TAFA2: variants seen among roughly 807,000 people sequenced by gnomAD.
TAFA2 encodes the protein TAFA chemokine like family member 2.
TAFA2 carries 7 observed loss-of-function variants against 18.8 expected under a neutral mutation model. The ratio of observed to expected loss-of-function variants is 0.37; its 90% CI spans 0.21 to 0.70. The LOEUF (loss-of-function observed/expected upper bound fraction) is 0.70, where lower values mean the gene tolerates loss of function less well. Among genes scored for constraint, TAFA2 ranks in the 30% least tolerant of loss-of-function variants. TAFA2 has a pLI of 0.53. For synonymous variants in TAFA2, 60 were observed against 54.2 expected (o/e 1.11, Z -0.47); for missense variants, 122 against 158.1 (o/e 0.77, Z 1.23).
At position 61,710,247 on chromosome 12, in the gene TAFA2, T is replaced by A; in HGVS notation, c.*159A>T. On this transcript the variant is annotated 3_prime_UTR_variant, in exon 5 of 5. Transcript: ENST00000416284. ...GTTCATGTCTGACTTTTAAAAAGTCTTGATTTCAAGAAGAGGCCATGAAAT... is the reference window on the plus strand; with the variant it reads ...GTTCATGTCTGACTTTTAAAAAGTCATGATTTCAAGAAGAGGCCATGAAAT... The A allele has an allele frequency of 1.6e-6, 1 of 635,058 alleles. No individual in the cohort carries two copies. Among genetic ancestry groups the A allele is most frequent in the Non-Finnish European group, 2.8e-6 (1 of 358,562 alleles). The allele number at this position is 635,058 out of a possible 1,614,324, so 39.3% of individuals were successfully genotyped here. A position where few individuals can be genotyped will look rare whatever the true frequency, so the allele number is the denominator to read the frequency against.
chr12:62,187,738 A>G (rs912557130), intron 1 of TAFA2, among the ~76,000 whole-genome samples: 3 of 152,174 alleles, frequency 2.0e-5, no homozygotes, highest in Non-Finnish European at 1.5e-5. Context: ...GTCAGTGGCC[A>G]ATGACAATTA....
intron 2 of TAFA2, among the ~76,000 whole-genome samples, chr12:61,756,471 C>T (rs984674148): frequency 1.1e-4 from 17 of 152,122 alleles, no homozygotes; most frequent in African/African-American, 3.9e-4. Flanking sequence ...ACATTATACA[C>T]GTTAATATTC....
At chr12:61,899,724 C>T (rs547202539) in intron 1 of TAFA2, among the ~76,000 whole-genome samples, 140 of 152,192 alleles carry the variant, frequency 9.2e-4, no homozygotes, top group Middle Eastern at 3.4e-3. Flanking sequence ...TTCATCCAAC[C>T]GTGGATCAAA....
chr12:61,930,164 A>T (rs908183906), intron 1 of TAFA2, among the ~76,000 whole-genome samples: 6 of 151,738 alleles, frequency 4.0e-5, no homozygotes, highest in Non-Finnish European at 7.4e-5. Flanking sequence ...ATAAAAAAAT[A>T]AATAAATAAA....
At chr12:61,779,358 G>GA (rs1246304860) in intron 2 of TAFA2, among the ~76,000 whole-genome samples, 9 of 151,742 alleles carry the variant, frequency 5.9e-5, no homozygotes, top group Non-Finnish European at 1.0e-4. Flanking sequence ...GAAAGAATCA[G>GA]AACTTAGAGT....
intron 1 of TAFA2, among the ~76,000 whole-genome samples, chr12:61,998,400 C>T (rs1048735639): frequency 6.6e-6 from 1 of 152,122 alleles, no homozygotes; most frequent in East Asian, 1.9e-4. Flanking sequence ...AGATAGCGCT[C>T]TCATGAAGAT....
intron 1 of TAFA2, among the ~76,000 whole-genome samples, chr12:61,896,821 A>G (rs1875865615): frequency 6.6e-6 from 1 of 152,172 alleles, no homozygotes; most frequent in African/African-American, 2.4e-5. Context: ...CTAAATTTTT[A>G]AAAACAGATG....
intron 1 of TAFA2, among the ~76,000 whole-genome samples, chr12:62,116,143 C>G (rs2136872158): frequency 6.6e-6 from 1 of 152,292 alleles, no homozygotes; most frequent in African/African-American, 2.4e-5. Flanking sequence ...CAAATACGTA[C>G]AGTGTGGCTA....
chr12:61,928,551 CTT>C (rs1877409481), intron 1 of TAFA2, among the ~76,000 whole-genome samples: 1 of 152,086 alleles, frequency 6.6e-6, no homozygotes, highest in African/African-American at 2.4e-5. Context: ...AATAAGAATG[CTT>C]TTACACTGTT....
intron 1 of TAFA2, among the ~76,000 whole-genome samples, chr12:62,098,437 A>G (rs904280453): frequency 9.9e-5 from 15 of 152,186 alleles, no homozygotes; most frequent in Non-Finnish European, 1.8e-4. Context: ...TGCAGTGGCT[A>G]TGTTCCCTGC....
At chr12:62,103,400 GT>G (rs989675082) in intron 1 of TAFA2, among the ~76,000 whole-genome samples, 1 of 152,120 alleles carries the variant, frequency 6.6e-6, no homozygotes, top group African/African-American at 2.4e-5. Flanking sequence ...TATATGAAGG[GT>G]GTCTTCAAAC....
At chr12:61,885,115 T>C (rs1450515573) in intron 1 of TAFA2, among the ~76,000 whole-genome samples, 2 of 152,174 alleles carry the variant, frequency 1.3e-5, no homozygotes, top group Non-Finnish European at 2.9e-5. Context: ...TTTTTCCCTG[T>C]ATTATAAAAA....
At chr12:62,177,652 C>G (rs990816778) in intron 1 of TAFA2, among the ~76,000 whole-genome samples, 5 of 152,150 alleles carry the variant, frequency 3.3e-5, no homozygotes, top group Non-Finnish European at 7.3e-5. Flanking sequence ...ACCTCAAACT[C>G]AAAATGCTTA....
chr12:62,125,167 T>C (rs1870398171), intron 1 of TAFA2, among the ~76,000 whole-genome samples: 1 of 152,120 alleles, frequency 6.6e-6, no homozygotes, highest in African/African-American at 2.4e-5. Flanking sequence ...TGCAGAATTG[T>C]ATACCTTTTA....
intron 1 of TAFA2, among the ~76,000 whole-genome samples, chr12:62,163,848 T>A (rs1165712291): frequency 6.6e-6 from 1 of 152,110 alleles, no homozygotes; most frequent in African/African-American, 2.4e-5. Flanking sequence ...GCAATAACCA[T>A]CTGTATTAAC....
At chr12:62,050,026 A>G (rs771178289) in intron 1 of TAFA2, among the ~76,000 whole-genome samples, 3 of 152,224 alleles carry the variant, frequency 2.0e-5, no homozygotes, top group Admixed American at 2.0e-4. Context: ...ATCCAGACTA[A>G]TGCTGACTAG....
intron 1 of TAFA2, among the ~76,000 whole-genome samples, chr12:62,227,297 C>G (rs1392383136): frequency 2.0e-5 from 3 of 152,148 alleles, no homozygotes; most frequent in Admixed American, 2.0e-4. Context: ...CCCAAAAAGC[C>G]TGCTCTGAAC....
At chr12:62,256,840 TG>T (rs2062941415) in intron 1 of TAFA2, among the ~76,000 whole-genome samples, 2 of 152,158 alleles carry the variant, frequency 1.3e-5, no homozygotes, top group Non-Finnish European at 2.9e-5. Flanking sequence ...GCTATTTTGG[TG>T]TTTGCACTAC....
chr12:61,855,324 T>C (rs1873838694), intron 2 of TAFA2, among the ~76,000 whole-genome samples: 1 of 152,182 alleles, frequency 6.6e-6, no homozygotes, highest in African/African-American at 2.4e-5. Context: ...AGTATTTTAT[T>C]CTCTATAGCC....
Sources: gnomAD v4.1 joint callset for allele counts (sites outside exome capture counted in the v4.1 genomes callset) on GRCh38, gnomAD v4.1.1 for gene constraint, MANE v1.5 for transcripts, NCBI Gene and HGNC (gene_info 2026-07-23, HGNC 2026-07-21) for gene names.